The following ZFHX3 variants were observed in gnomAD, a reference collection of about 807,000 sequenced individuals.
ZFHX3 encodes the protein zinc finger homeobox 3, also known as zinc finger homeobox protein 3.
ZFHX3 carries 42 observed loss-of-function variants against 279.1 expected under a neutral mutation model. That is an observed-to-expected ratio of 0.15 (90% CI 0.12 to 0.19). The LOEUF is 0.19. Among genes scored for constraint, ZFHX3 ranks in the 10% least tolerant of loss-of-function variants. ZFHX3 has a pLI of 1.00. For synonymous variants in ZFHX3, 2,293 were observed against 1,957.8 expected (o/e 1.17, Z -4.52); for missense variants, 4,981 against 4,754.0 (o/e 1.05, Z -1.40).
At chr16:73,163,527 A>G (rs1390033182) in intron 5 of ZFHX3, among the ~76,000 whole-genome samples, 2 of 152,264 alleles carry the variant, frequency 1.3e-5, no homozygotes, top group Non-Finnish European at 2.9e-5. Context: ...TAGTTGCAAC[A>G]GAGACAGTAT....
intron 5 of ZFHX3, among the ~76,000 whole-genome samples, chr16:72,827,025 T>G (rs1299174081): frequency 6.6e-6 from 1 of 152,144 alleles, no homozygotes. Context: ...GAGGCACATA[T>G]AGAGTGGCTA....
intron 1 of ZFHX3, among the ~76,000 whole-genome samples, chr16:73,843,869 G>A (rs535784513): frequency 2.4e-4 from 37 of 152,332 alleles, no homozygotes; most frequent in Non-Finnish European, 8.8e-5. Context: ...ACAAAGGGGC[G>A]TGGCTGTGTT....
At chr16:73,256,172 G>T (rs1442099620) in intron 5 of ZFHX3, among the ~76,000 whole-genome samples, 1 of 152,126 alleles carries the variant, frequency 6.6e-6, no homozygotes, top group African/African-American at 2.4e-5. Context: ...AAACAATTTT[G>T]CTGTCATTCA....
At chr16:73,798,465 T>G (rs942515212) in intron 1 of ZFHX3, among the ~76,000 whole-genome samples, 1 of 150,628 alleles carries the variant, frequency 6.6e-6, no homozygotes, top group African/African-American at 2.4e-5. Flanking sequence ...AGAGGAGAGA[T>G]ACCCCCCAAA....
intron 7 of ZFHX3, among the ~76,000 whole-genome samples, chr16:73,130,284 G>A (rs1966655445): frequency 6.6e-6 from 1 of 151,962 alleles, no homozygotes; most frequent in South Asian, 2.1e-4. Context: ...AAAATACCAT[G>A]TTTGGAAAGA....
chr16:72,872,482 G>C (rs2038188334), intron 4 of ZFHX3, among the ~76,000 whole-genome samples: 1 of 152,120 alleles, frequency 6.6e-6, no homozygotes, highest in Non-Finnish European at 1.5e-5. Context: ...TTTTGAGACA[G>C]AGTCTCACTG....
chr16:73,545,307 T>C (rs1357418687), intron 2 of ZFHX3, among the ~76,000 whole-genome samples: 1 of 152,324 alleles, frequency 6.6e-6, no homozygotes, highest in East Asian at 1.9e-4. Flanking sequence ...TCAGAATTTA[T>C]CGTCGTTTCT....
chr16:73,821,471 T>C (rs958515930), intron 1 of ZFHX3, among the ~76,000 whole-genome samples: 13 of 152,214 alleles, frequency 8.5e-5, no homozygotes, highest in African/African-American at 3.1e-4. Context: ...TTGGGTGGCC[T>C]TAAGCAAACC....
At chr16:73,548,509 T>C (rs2020157879) in intron 2 of ZFHX3, among the ~76,000 whole-genome samples, 1 of 152,082 alleles carries the variant, frequency 6.6e-6, no homozygotes, top group Non-Finnish European at 1.5e-5. Context: ...TAATAAATAT[T>C]TGTGCTTCCA....
chr16:73,880,363 C>A (rs368946818), intron 1 of ZFHX3, among the ~76,000 whole-genome samples: 23 of 152,096 alleles, frequency 1.5e-4, no homozygotes, highest in East Asian at 7.7e-4. Flanking sequence ...AAAAATAGGT[C>A]ATCTTTAAAT....
intron 5 of ZFHX3, among the ~76,000 whole-genome samples, chr16:73,204,632 A>G (rs552026193): frequency 6.6e-6 from 1 of 152,320 alleles, no homozygotes; most frequent in Non-Finnish European, 1.5e-5. Context: ...CTAACAGGCC[A>G]TGGACTGGTA....
intron 5 of ZFHX3, among the ~76,000 whole-genome samples, chr16:73,161,399 C>T (rs547006126): frequency 5.3e-5 from 8 of 152,164 alleles, no homozygotes; most frequent in Non-Finnish European, 1.2e-4. Context: ...AGTCGCTCAA[C>T]GGTTATTGAT....
At chr16:73,732,404 CAG>C (rs1252140958) in intron 1 of ZFHX3, among the ~76,000 whole-genome samples, 3 of 152,198 alleles carry the variant, frequency 2.0e-5, no homozygotes, top group African/African-American at 7.2e-5. Flanking sequence ...GAAATACAAA[CAG>C]AAAAGAAATA....
At chr16:73,784,556 G>A (rs149501221) in intron 1 of ZFHX3, among the ~76,000 whole-genome samples, 2,754 of 151,884 alleles carry the variant, frequency 0.018, 96 homozygotes, top group African/African-American at 0.062. Context: ...AGACAATCCT[G>A]GCCAACATGG....
Position 72,831,250 on chromosome 16 carries a change from T to C in ZFHX3, c.3449-1391A>G, listed in dbSNP as rs891971399. On this transcript the variant is annotated intron_variant, in intron 4 of 9. Transcript: ENST00000268489. Reference sequence around the variant, plus strand: ...ATGTCTATTTAGAATCAGATTGTCTTGACTCAAGAGATGATGGAGGTCCAA... The same window carrying C: ...ATGTCTATTTAGAATCAGATTGTCTCGACTCAAGAGATGATGGAGGTCCAA... 1.8e-4 allele frequency among the ~76,000 whole-genome samples: 27 copies of C among 152,284 alleles called. 1 individual carries two copies. Among genetic ancestry groups the C allele is most frequent in the Admixed American group, 1.6e-3 (25 of 15,298 alleles).
At chr16:73,247,142 T>C (rs2013306548) in intron 5 of ZFHX3, among the ~76,000 whole-genome samples, 1 of 151,922 alleles carries the variant, frequency 6.6e-6, no homozygotes. Context: ...AGTGTGTGTG[T>C]ACTGTGTATA....
intron 5 of ZFHX3, among the ~76,000 whole-genome samples, chr16:72,817,772 C>T (rs924462069): frequency 2.0e-5 from 3 of 152,136 alleles, no homozygotes; most frequent in South Asian, 2.1e-4. Flanking sequence ...TCCTTTTTGG[C>T]GTCCTGAGGT....
intron 1 of ZFHX3, among the ~76,000 whole-genome samples, chr16:72,991,696 G>C (rs534262048): frequency 1.3e-5 from 2 of 152,260 alleles, no homozygotes; most frequent in East Asian, 3.9e-4. Context: ...CACTTTTGAG[G>C]CTCAGAGAAG....
chr16:72,992,000 A>C (rs1291348447), intron 1 of ZFHX3, among the ~76,000 whole-genome samples: 1 of 152,200 alleles, frequency 6.6e-6, no homozygotes, highest in East Asian at 1.9e-4. Flanking sequence ...TAAAGCAAAT[A>C]ATACAGTATA....
Sources: allele counts gnomAD v4.1 joint callset (sites outside exome capture counted in the v4.1 genomes callset), GRCh38; gene constraint gnomAD v4.1.1; transcripts MANE v1.5; gene names NCBI Gene and HGNC (gene_info 2026-07-23, HGNC 2026-07-21).